The following SMYD3 variants were observed in gnomAD, a reference collection of about 807,000 sequenced individuals.
The protein encoded by SMYD3 is SET and MYND domain containing 3.
SMYD3 carries 36 observed loss-of-function variants against 57.7 expected under a neutral mutation model. That is an observed-to-expected ratio of 0.62 (90% CI 0.48 to 0.82). The LOEUF (loss-of-function observed/expected upper bound fraction) is 0.82, where lower values mean the gene tolerates loss of function less well. Among genes scored for constraint, SMYD3 ranks in the 40% least tolerant of loss-of-function variants. The pLI is 0.00. For synonymous variants in SMYD3, 211 were observed against 195.0 expected (o/e 1.08, Z -0.68); for missense variants, 515 against 538.8 (o/e 0.96, Z 0.44).
chr1:245,760,859 A>G (rs1046480479), intron 11 of SMYD3, among the ~76,000 whole-genome samples: 6 of 152,206 alleles, frequency 3.9e-5, no homozygotes, highest in Non-Finnish European at 8.8e-5. Flanking sequence ...GAGTTCCTGT[A>G]ACAATACCCA....
intron 10 of SMYD3, among the ~76,000 whole-genome samples, chr1:245,801,838 A>C (rs1355532930): frequency 1.3e-5 from 2 of 152,144 alleles, no homozygotes; most frequent in Admixed American, 1.3e-4. Context: ...AAAACAAAAC[A>C]AAACTCTGTG....
At chr1:246,334,710 CTAAAA>C (rs1207316649) in intron 3 of SMYD3, among the ~76,000 whole-genome samples, 1 of 152,108 alleles carries the variant, frequency 6.6e-6, no homozygotes, top group African/African-American at 2.4e-5. Context: ...CCCCCTGAAT[CTAAAA>C]TAAAAGCAAA....
intron 5 of SMYD3, among the ~76,000 whole-genome samples, chr1:245,947,703 G>T (rs530891300): frequency 2.0e-5 from 3 of 152,234 alleles, no homozygotes; most frequent in African/African-American, 7.2e-5. Flanking sequence ...ATGGTAGCAA[G>T]ATCATAATTA....
chr1:245,905,225 T>G (rs2054480908), intron 8 of SMYD3, among the ~76,000 whole-genome samples: 1 of 151,284 alleles, frequency 6.6e-6, no homozygotes, highest in Non-Finnish European at 1.5e-5. Context: ...GAGAGAAAAA[T>G]AAAAGGGACT....
chr1:246,329,155 G>T (rs1435651666), intron 4 of SMYD3, among the ~76,000 whole-genome samples: 1 of 152,162 alleles, frequency 6.6e-6, no homozygotes, highest in Non-Finnish European at 1.5e-5. Flanking sequence ...AAACATACGT[G>T]TGCATGTGTC....
At chr1:246,087,867 C>T (rs1346827747) in intron 5 of SMYD3, among the ~76,000 whole-genome samples, 1 of 152,168 alleles carries the variant, frequency 6.6e-6, no homozygotes, top group African/African-American at 2.4e-5. Context: ...ACCAAACCGC[C>T]TCCCAACTCT....
In SMYD3 at chr1:246,468,945, C is replaced by T. The variant is rs141837384; in HGVS notation, c.164+38109G>A. The stretch of plus-strand genomic sequence containing the variant: ...GAACTATGATCATACCACTGTACTC[C>T]AGCCTGGCCAACAAGACTGTGCCTT... On this transcript the variant is annotated intron_variant, in intron 1 of 11. Coordinates refer to ENST00000490107, the MANE Select transcript of SMYD3 (RefSeq NM_001167740.2). 3.1e-3 allele frequency among the ~76,000 whole-genome samples: 468 copies of T among 152,300 alleles called. 1 individual carries two copies. The highest frequency in any genetic ancestry group is 0.01 in the African/African-American group (434 of 41,562).
chr1:245,951,315 C>T (rs1190863249), intron 5 of SMYD3, among the ~76,000 whole-genome samples: 1 of 142,568 alleles, frequency 7.0e-6, no homozygotes. Context: ...AAATACTCGT[C>T]GTGGCTCACT....
intron 10 of SMYD3, among the ~76,000 whole-genome samples, chr1:245,835,886 C>T (rs1273484891): frequency 6.6e-6 from 1 of 152,160 alleles, no homozygotes; most frequent in African/African-American, 2.4e-5. Context: ...TGTTCTCCGT[C>T]GACGTGACTT....
At chr1:245,953,758 C>G (rs577187216) in intron 5 of SMYD3, among the ~76,000 whole-genome samples, 2 of 152,256 alleles carry the variant, frequency 1.3e-5, no homozygotes, top group East Asian at 1.9e-4. Context: ...GCAGCAACAA[C>G]AAAAACCCCA....
chr1:245,903,809 C>T (rs2054358980), intron 8 of SMYD3, among the ~76,000 whole-genome samples: 1 of 152,212 alleles, frequency 6.6e-6, no homozygotes, highest in African/African-American at 2.4e-5. Context: ...AGGTGGGATG[C>T]CCCAAGTCCC....
At position 246,350,156 on chromosome 1, in the gene SMYD3, C is replaced by T. The variant is rs552863342; in HGVS notation, c.228+4875G>A. 1.5e-4 allele frequency among the ~76,000 whole-genome samples: 23 copies of T among 152,348 alleles called. No homozygotes were observed. In the South Asian group the frequency reaches 4.3e-3, roughly 29 times the overall value. On this transcript the variant is annotated intron_variant, in intron 2 of 11. Coordinates refer to ENST00000490107, the MANE Select transcript of SMYD3 (RefSeq NM_001167740.2). The stretch of plus-strand genomic sequence containing the variant: ...GATTTCAGGTTAAATGTCACCTCTA[C>T]AGGAAACCCTTCTGTATCCACCTAC...
chr1:246,206,447 A>G (rs998868232), intron 5 of SMYD3, among the ~76,000 whole-genome samples: 7 of 152,168 alleles, frequency 4.6e-5, no homozygotes, highest in African/African-American at 1.4e-4. Flanking sequence ...TCACAGAAAT[A>G]TAAGAAATAG....
At chr1:245,815,977 G>A (rs1320087068) in intron 10 of SMYD3, among the ~76,000 whole-genome samples, 1 of 152,154 alleles carries the variant, frequency 6.6e-6, no homozygotes, top group Non-Finnish European at 1.5e-5. Context: ...ACCTTCTGTA[G>A]GTGAGTAGGT....
chr1:246,265,667 A>G (rs2064092229), intron 5 of SMYD3, among the ~76,000 whole-genome samples: 1 of 151,932 alleles, frequency 6.6e-6, no homozygotes, highest in African/African-American at 2.4e-5. Flanking sequence ...CAAGAGGAAT[A>G]AACATGTCAG....
At chr1:246,411,334 G>T (rs1190677209) in intron 1 of SMYD3, among the ~76,000 whole-genome samples, 1 of 152,214 alleles carries the variant, frequency 6.6e-6, no homozygotes, top group Non-Finnish European at 1.5e-5. Context: ...AACAGGTGCT[G>T]GAGAGGATGT....
In SMYD3 at chr1:245,861,693, C is replaced by T. The variant is rs368345215; in HGVS notation, c.901+2106G>A. On this transcript the variant is annotated intron_variant, in intron 9 of 11. Transcript: ENST00000490107. Reference sequence around the variant, plus strand: ...CTCTTCTCTTGGTTGGTCTGGTGAACTCCCACTAATCCTCCCAGACGCAGC... The same window carrying T: ...CTCTTCTCTTGGTTGGTCTGGTGAATTCCCACTAATCCTCCCAGACGCAGC... Among the ~76,000 whole-genome samples the T allele has an allele frequency of 1.3e-4, 20 of 152,338 alleles. No individual in the cohort carries two copies. In the South Asian group the frequency reaches 3.9e-3, roughly 30 times the overall value.
At chr1:246,218,600 G>A (rs77104683) in intron 5 of SMYD3, among the ~76,000 whole-genome samples, 13,102 of 150,424 alleles carry the variant, frequency 0.087, 995 homozygotes, top group East Asian at 0.24. Context: ...CAGCCTGGGT[G>A]ACAGAGCGAG....
chr1:245,850,053 G>C (rs1233431572), intron 10 of SMYD3, among the ~76,000 whole-genome samples: 1 of 152,186 alleles, frequency 6.6e-6, no homozygotes, highest in Non-Finnish European at 1.5e-5. Flanking sequence ...GTATAACTTG[G>C]GGTTTGGGGG....
Sources: allele counts gnomAD v4.1 joint callset (sites outside exome capture counted in the v4.1 genomes callset), GRCh38; gene constraint gnomAD v4.1.1; transcripts MANE v1.5; gene names NCBI Gene and HGNC (gene_info 2026-07-23, HGNC 2026-07-21).